MLIP: variants seen among roughly 807,000 people sequenced by gnomAD.
MLIP encodes muscular LMNA-interacting protein.
A neutral mutation model predicts 84.8 loss-of-function variants in MLIP; 79 were observed. The ratio of observed to expected loss-of-function variants is 0.93; its 90% confidence interval spans 0.78 to 1.12. The LOEUF is 1.12. MLIP is among the 50% of genes most tolerant of loss of function. MLIP has a pLI of 0.00. For missense variants in MLIP, 1,257 were observed against 1,160.6 expected (o/e 1.08, Z -1.21); for synonymous variants, 504 against 463.0 (o/e 1.09, Z -1.14).
chr6:54,241,421 C>T (rs938401171), intron 12 of MLIP, among the ~76,000 whole-genome samples: 2 of 151,436 alleles, frequency 1.3e-5, no homozygotes, highest in African/African-American at 4.9e-5. Flanking sequence ...AAAATTGTCC[C>T]CATGTGCTTG....
chr6:54,211,224 C>T (rs1295235677), intron 11 of MLIP, among the ~76,000 whole-genome samples: 1 of 151,848 alleles, frequency 6.6e-6, no homozygotes, highest in Non-Finnish European at 1.5e-5. Flanking sequence ...AGACTCTGTA[C>T]CGAAAAATAA....
chr6:54,054,519 G>A (rs1765542825), intron 1 of MLIP, among the ~76,000 whole-genome samples: 1 of 151,288 alleles, frequency 6.6e-6, no homozygotes, highest in African/African-American at 2.4e-5. Context: ...ACTGAAAGCA[G>A]AAACATACAT....
intron 11 of MLIP, among the ~76,000 whole-genome samples, chr6:54,207,210 A>G (rs1013114542): frequency 6.6e-6 from 1 of 151,510 alleles, no homozygotes; most frequent in African/African-American, 2.4e-5. Flanking sequence ...CTTCCTTTAT[A>G]TGAAAGATGT....
chr6:54,135,597 AT>A (rs1389316646), intron 3 of MLIP, among the ~76,000 whole-genome samples: 1 of 152,082 alleles, frequency 6.6e-6, no homozygotes, highest in African/African-American at 2.4e-5. Flanking sequence ...GTTTATATAC[AT>A]TTTCCTGCTA....
intron 5 of MLIP, 44 bp downstream of exon 5, chr6:54,149,171 G>T: frequency 2.0e-6 from 3 of 1,516,376 alleles, no homozygotes; most frequent in South Asian, 2.3e-5. Flanking sequence ...TTTTTAATGT[G>T]ATTTTTAAAA....
At chr6:54,183,827 C>A (rs1001651904) in intron 9 of MLIP, among the ~76,000 whole-genome samples, 1 of 145,392 alleles carries the variant, frequency 6.9e-6, no homozygotes, top group Non-Finnish European at 1.5e-5. Context: ...TCACTGCAAC[C>A]TCCGACTCTT....
chr6:54,033,014 CTAAA>C (rs1176114177), intron 1 of MLIP, among the ~76,000 whole-genome samples: 2 of 152,100 alleles, frequency 1.3e-5, no homozygotes, highest in Non-Finnish European at 2.9e-5. Flanking sequence ...ATCCAGTAGT[CTAAA>C]TATTTCAGGA....
intron 1 of MLIP, among the ~76,000 whole-genome samples, chr6:54,044,161 G>T (rs1458046092): frequency 6.6e-6 from 1 of 152,138 alleles, no homozygotes; most frequent in Admixed American, 6.5e-5. Flanking sequence ...TAAACAGTCG[G>T]GTCATCTAAG....
intron 9 of MLIP, 73 bp downstream of exon 9, chr6:54,169,645 A>T: frequency 1.1e-6 from 1 of 905,916 alleles, no homozygotes; most frequent in African/African-American, 1.7e-5. Context: ...GAACACTATT[A>T]TACAGTAATT....
chr6:54,249,734 C>CACACATATAT (rs145607176), intron 12 of MLIP, among the ~76,000 whole-genome samples: 7 of 127,610 alleles, frequency 5.5e-5, no homozygotes, highest in African/African-American at 8.7e-5. Flanking sequence ...CACACACACA[C>CACACATATAT]ATATATATAT....
At chr6:54,024,695 A>G (rs1348886264) in intron 1 of MLIP, among the ~76,000 whole-genome samples, 1 of 152,224 alleles carries the variant, frequency 6.6e-6, no homozygotes, top group Non-Finnish European at 1.5e-5. Context: ...GCCGCTCAGA[A>G]ACATTCTAAG....
chr6:54,202,420 G>A lies in MLIP; in HGVS notation c.2718+187G>A, dbSNP rs193171095. On this transcript the variant is annotated intron_variant, in intron 11 of 13. Coordinates refer to ENST00000502396, the MANE Select transcript of MLIP (RefSeq NM_001281747.2). ...ATGAAAAATGCTTGCATAATAAATA[G>A]AAGTTGCTAAATAATTCAAGAATAA... 3.7e-3 allele frequency among the ~76,000 whole-genome samples: 559 copies of A among 150,608 alleles called. 2 individuals carry two copies. Among genetic ancestry groups the A allele is most frequent in the African/African-American group, 0.013 (526 of 41,166 alleles).
At chr6:54,177,299 A>G (rs2150621460) in intron 9 of MLIP, among the ~76,000 whole-genome samples, 1 of 152,300 alleles carries the variant, frequency 6.6e-6, no homozygotes, top group South Asian at 2.1e-4. Flanking sequence ...TATCCATCTG[A>G]CAAAGGTCTA....
chr6:54,216,815 T>C, intron 11 of MLIP: 4 of 985,426 alleles, frequency 4.1e-6, no homozygotes, highest in Non-Finnish European at 3.6e-6. Context: ...TATATTGGCT[T>C]TATCTTAGTG....
chr6:54,036,531 G>A (rs4715438), intron 1 of MLIP, among the ~76,000 whole-genome samples: 70,540 of 151,758 alleles, frequency 0.46, 19,449 homozygotes, highest in African/African-American at 0.77. Flanking sequence ...TGGAATGGCT[G>A]TTCCCAAAAA....
intron 1 of MLIP, among the ~76,000 whole-genome samples, chr6:54,060,370 A>G (rs1765897629): frequency 6.6e-6 from 1 of 152,210 alleles, no homozygotes; most frequent in Non-Finnish European, 1.5e-5. Context: ...CTTAGTAGAG[A>G]AGTTATTCAC....
intron 9 of MLIP, among the ~76,000 whole-genome samples, chr6:54,186,293 AT>A (rs1446370385): frequency 2.0e-5 from 3 of 152,222 alleles, no homozygotes; most frequent in Non-Finnish European, 4.4e-5. Flanking sequence ...AACTTATTGT[AT>A]TTTAGCCAAG....
At chr6:54,094,551 C>T (rs979718214) in intron 1 of MLIP, among the ~76,000 whole-genome samples, 6 of 151,958 alleles carry the variant, frequency 3.9e-5, no homozygotes, top group African/African-American at 1.4e-4. Context: ...TCCCATATCC[C>T]ACAGGTGTCC....
At chr6:54,115,495 A>G (rs1226026046) in intron 1 of MLIP, among the ~76,000 whole-genome samples, 2 of 152,164 alleles carry the variant, frequency 1.3e-5, no homozygotes, top group Non-Finnish European at 2.9e-5. Flanking sequence ...TGAAGAAACA[A>G]ATTACGGAAG....
Sources: gnomAD v4.1 joint callset for allele counts (sites outside exome capture counted in the v4.1 genomes callset) on GRCh38, gnomAD v4.1.1 for gene constraint, MANE v1.5 for transcripts, NCBI Gene and HGNC (gene_info 2026-07-23, HGNC 2026-07-21) for gene names.